NXF3: variants seen among roughly 807,000 people sequenced by gnomAD.
The protein encoded by NXF3 is TAP-like protein 3.
NXF3 carries 34 observed loss-of-function variants against 48.4 expected under a neutral mutation model. The ratio of observed to expected loss-of-function variants is 0.70; its 90% CI spans 0.53 to 0.93. NXF3 has a LOEUF of 0.93. Ranked by LOEUF, NXF3 falls within the 40% of genes least tolerant of loss-of-function variation. NXF3 has a pLI of 0.00. For synonymous variants in NXF3, 132 were observed against 145.7 expected (o/e 0.91, Z 0.68); for missense variants, 359 against 406.1 (o/e 0.88, Z 1.00).
At chrX:103,092,156 C>T (rs1479266922) in intron 1 of NXF3, among the ~76,000 whole-genome samples, 4 of 110,261 alleles carry the variant, frequency 3.6e-5, no homozygotes, top group Non-Finnish European at 5.7e-5. Flanking sequence ...TAGGCTGTAA[C>T]ATGATTATTT....
At chrX:103,080,476 C>T in intron 10 of NXF3, 100 bp downstream of exon 10, 1 of 894,011 alleles carries the variant, frequency 1.1e-6, no homozygotes, top group Non-Finnish European at 1.6e-6. Context: ...TAAGGGTTAG[C>T]TCCAAAAATG....
intron 1 of NXF3, among the ~76,000 whole-genome samples, chrX:103,091,246 A>G (rs1425750110): frequency 1.8e-5 from 2 of 111,557 alleles, no homozygotes; most frequent in Non-Finnish European, 3.8e-5. Context: ...TTTCATATTG[A>G]AAGTTGGAAT....
intron 9 of NXF3, chrX:103,081,039 G>A (rs1921994564): frequency 6.2e-6 from 1 of 161,868 alleles, no homozygotes; most frequent in African/African-American, 3.0e-5. Flanking sequence ...GGTGAAGGTA[G>A]GGGAGGGAGA....
intron 1 of NXF3, chrX:103,088,196 T>TA (rs1286715055): frequency 4.4e-5 from 43 of 968,079 alleles, no homozygotes; most frequent in East Asian, 6.5e-5. Flanking sequence ...AAACCATTGT[T>TA]AAAAAAAATA....
intron 1 of NXF3, among the ~76,000 whole-genome samples, chrX:103,085,144 A>G (rs1421299839): frequency 1.8e-5 from 2 of 108,770 alleles, no homozygotes; most frequent in African/African-American, 6.8e-5. Context: ...TTTTTTTTTT[A>G]GAGATGGGGT....
intron 1 of NXF3, chrX:103,087,667 T>C: frequency 9.9e-7 from 1 of 1,006,623 alleles, no homozygotes; most frequent in Non-Finnish European, 1.4e-6. Flanking sequence ...GAAGAAAGAA[T>C]ATTCATGCAT....
At position 103,080,640 on chromosome X, in the gene NXF3, A is replaced by G. The variant is rs533006984; in HGVS notation, c.891-28T>C. 2.2e-5 allele frequency: 26 copies of G among 1,197,403 alleles called. No individual in the cohort carries two copies. The South Asian group carries it at 3.5e-4, about 16-fold the overall frequency. ...GCCGAAAATCAAAACAAAATGGACAACGGTAAGTGAAACTGTGGAGCTGTC... is the reference window on the plus strand; with the variant it reads ...GCCGAAAATCAAAACAAAATGGACAGCGGTAAGTGAAACTGTGGAGCTGTC... On this transcript the variant is annotated intron_variant, in intron 9 of 19. Transcript: ENST00000395065.
chrX:103,083,582 C>G, intron 4 of NXF3, 27 bp downstream of exon 4: 2 of 1,187,848 alleles, frequency 1.7e-6, no homozygotes, highest in Non-Finnish European at 2.3e-6. Flanking sequence ...CCTGTTTTCT[C>G]TCGTCTGCCT....
chrX:103,084,314 A>G (rs780885034), intron 3 of NXF3, 28 bp downstream of exon 3: 2 of 1,208,335 alleles, frequency 1.7e-6, no homozygotes, highest in East Asian at 3.0e-5. Flanking sequence ...CCTTCTGAAC[A>G]TTAGATCCAC....
intron 3 of NXF3, 124 bp downstream of exon 3, chrX:103,084,218 T>C (rs1202138618): frequency 1.9e-5 from 15 of 789,640 alleles, no homozygotes; most frequent in Non-Finnish European, 3.7e-6. Context: ...TGTTAACTCC[T>C]AGTAATAAAG....
intron 1 of NXF3, chrX:103,088,734 T>C (rs1244530600): frequency 1.0e-5 from 11 of 1,066,384 alleles, no homozygotes; most frequent in Non-Finnish European, 1.3e-5. Flanking sequence ...TTGTAGGAAA[T>C]CTTTTAGACA....
At chrX:103,079,285 G>A (rs755968789) in intron 15 of NXF3, 22 bp from the exon 16 acceptor site, 1 of 1,211,106 alleles carries the variant, frequency 8.3e-7, no homozygotes, top group South Asian at 1.8e-5. Flanking sequence ...GATCTCAGGT[G>A]CTCAGGATCC....
intron 13 of NXF3, 41 bp downstream of exon 13, chrX:103,079,722 G>A: frequency 8.4e-7 from 1 of 1,190,896 alleles, no homozygotes. Flanking sequence ...CTGCAGGGGA[G>A]TCACATGGCC....
At chrX:103,083,567 C>A (rs370299706) in intron 4 of NXF3, 42 bp downstream of exon 4, 1 of 1,174,039 alleles carries the variant, frequency 8.5e-7, no homozygotes, top group Non-Finnish European at 1.2e-6. Flanking sequence ...CAGCCCCCAA[C>A]CTGTCCTGTT....
intron 1 of NXF3, chrX:103,088,270 T>A (rs1232393789): frequency 3.3e-6 from 2 of 598,039 alleles, no homozygotes; most frequent in Non-Finnish European, 5.3e-6. Flanking sequence ...GAAAAAAGTA[T>A]TTAAAAAGAG....
chrX:103,087,696 T>C, intron 1 of NXF3: 1 of 1,049,416 alleles, frequency 9.5e-7, no homozygotes, highest in South Asian at 1.9e-5. Flanking sequence ...TGTGGCAAGA[T>C]GTTTCCATCA....
At position 103,092,983 on chromosome X, in the gene NXF3, CT is replaced by C; in HGVS notation, c.28+12del. On this transcript the variant is annotated intron_variant, in intron 1 of 19. Coordinates refer to ENST00000395065, the MANE Select transcript of NXF3 (RefSeq NM_022052.2). ...TGAGACCTGAGACTCCAGCCTCATG[CT>C]GGCCAACTCACCCGTAGTGTGTCCT... The C allele has an allele frequency of 1.7e-6, 2 of 1,208,016 alleles. No homozygotes were observed. The highest frequency in any genetic ancestry group is 1.7e-5 in the African/African-American group (1 of 57,781).
At chrX:103,084,656 CAG>C (rs1922101634) in intron 2 of NXF3, 57 bp downstream of exon 2, 1 of 1,157,810 alleles carries the variant, frequency 8.6e-7, no homozygotes, top group African/African-American at 1.8e-5. Flanking sequence ...TATTCAGCTA[CAG>C]AGTTATGTAT....
Position 103,080,842 on chromosome X carries a change from G to A in NXF3, c.891-230C>T, listed in dbSNP as rs930325208. The A allele has an allele frequency of 1.2e-5, 5 of 421,131 alleles. No individual in the cohort carries two copies. In the Admixed American group the frequency reaches 1.7e-4, roughly 14 times the overall value. The allele number at this position is 421,131 out of a possible 1,213,427, so 34.7% of individuals were successfully genotyped here. A position where few individuals can be genotyped will look rare whatever the true frequency, so the allele number is the denominator to read the frequency against. Reference sequence around the variant, plus strand: ...CCAAGTCCCCACTGAAGGCTCTGCAGGGAGTAGGAAATGGGGTGGGAGCCC... The same window carrying A: ...CCAAGTCCCCACTGAAGGCTCTGCAAGGAGTAGGAAATGGGGTGGGAGCCC... On this transcript the variant is annotated intron_variant, in intron 9 of 19. Coordinates refer to ENST00000395065, the MANE Select transcript of NXF3 (RefSeq NM_022052.2).
Sources: gnomAD v4.1 joint callset for allele counts (sites outside exome capture counted in the v4.1 genomes callset) on GRCh38, gnomAD v4.1.1 for gene constraint, MANE v1.5 for transcripts, NCBI Gene and HGNC (gene_info 2026-07-23, HGNC 2026-07-21) for gene names.